Variants in SLC38A2 observed in about 807,000 individuals in gnomAD.
The protein encoded by SLC38A2 is solute carrier family 38 member 2, also known as sodium-coupled neutral amino acid symporter 2.
SLC38A2 carries 11 observed loss-of-function variants against 61.5 expected under a neutral mutation model. The ratio of observed to expected loss-of-function variants is 0.18; its 90% CI spans 0.11 to 0.30. The LOEUF (loss-of-function observed/expected upper bound fraction) is 0.30, where lower values mean the gene tolerates loss of function less well. SLC38A2 is among the 10% of genes least tolerant of loss of function. SLC38A2 has a pLI of 1.00. For synonymous variants in SLC38A2, 217 were observed against 212.5 expected, an observed-to-expected ratio of 1.02 and a Z score of -0.18; for missense variants, 522 against 600.4, an observed-to-expected ratio of 0.87 and a Z score of 1.36.
intron 9 of SLC38A2, 31 bp from the exon 10 acceptor site, chr12:46,364,587 C>A: frequency 6.3e-7 from 1 of 1,599,946 alleles, no homozygotes; most frequent in Non-Finnish European, 8.5e-7. Context: ...ATGTGTTAAA[C>A]TAAGTGACAT....
chr12:46,367,243 GA>G, intron 5 of SLC38A2, 23 bp downstream of exon 5: 2 of 1,585,132 alleles, frequency 1.3e-6, no homozygotes, highest in South Asian at 2.2e-5. Context: ...CATTGTTTTA[GA>G]AAAATCAAGA....
At chr12:46,369,356 G>T (rs996134071) in intron 4 of SLC38A2, among the ~76,000 whole-genome samples, 1 of 152,194 alleles carries the variant, frequency 6.6e-6, no homozygotes, top group African/African-American at 2.4e-5. Context: ...AAGCCAGAGT[G>T]AATCCTAGCA....
intron 1 of SLC38A2, among the ~76,000 whole-genome samples, chr12:46,372,133 A>G (rs1943210300): frequency 6.6e-6 from 1 of 152,034 alleles, no homozygotes; most frequent in African/African-American, 2.4e-5. Flanking sequence ...TACATGCCCA[A>G]GCCCACCTCC....
chr12:46,367,526 A>C (rs1943151585), intron 4 of SLC38A2, 186 bp from the exon 5 acceptor site: 2 of 600,172 alleles, frequency 3.3e-6, no homozygotes, highest in African/African-American at 3.8e-5. Context: ...CTGGCAGTAA[A>C]AACTTGCATC....
intron 4 of SLC38A2, among the ~76,000 whole-genome samples, chr12:46,368,861 G>C (rs1437064492): frequency 6.6e-6 from 1 of 152,138 alleles, no homozygotes; most frequent in Admixed American, 6.5e-5. Context: ...AACCTTTGAG[G>C]TCACTTTCAA....
chr12:46,371,386 A>C lies in SLC38A2; in HGVS notation c.-86-7T>G, dbSNP rs1388898523. ...CAGCGGCCCGCGAGTCGGCCTGCGA[A>C]AGTAGAGGCGGCGCGTCAGGACCGC... On this transcript the variant is annotated splice_polypyrimidine_tract_variant and splice_region_variant and intron_variant, in intron 1 of 15. Transcript: ENST00000256689. 1 of 1,006,492 alleles carries C rather than the reference A, an allele frequency of 9.9e-7. No individual in the cohort carries two copies. The highest frequency in any genetic ancestry group is 1.6e-5 in the African/African-American group (1 of 61,324). 62.3% of individuals were successfully genotyped at this position (1,006,492 alleles called of 1,614,324 possible). A position where few individuals can be genotyped will look rare whatever the true frequency, so the allele number is the denominator to read the frequency against.
In SLC38A2 at chr12:46,367,111, G is replaced by T; in HGVS notation, c.446C>A (p.Ala149Glu). 6.2e-7 allele frequency: 1 copy of T among 1,614,052 alleles called. No individual in the cohort carries two copies. Among genetic ancestry groups the T allele is most frequent in the Non-Finnish European group, 8.5e-7 (1 of 1,179,986 alleles). The change falls in exon 6 of 16, where the codon GCA becomes GAA. Residue 149 changes from alanine to glutamate, a missense_variant. Ala to Glu is a moderately radical substitution (Grantham distance 107, BLOSUM62 -1). Around this residue, in one of 3 missense-constraint regions of SLC38A2, gnomAD observed 111 missense variants for 173.4 expected, o/e 0.64. Transcript: ENST00000256689. ...YKAFGLVGKLAASGSITMQNI... is the reference protein window; with the variant it reads ...YKAFGLVGKLEASGSITMQNI... ...CTGCATTGTAATTGATCCAGATGCT[G>T]CAAGCTTTCCAACTAATCCAAATGC...
At position 46,364,425 on chromosome 12, in the gene SLC38A2, GTCA is replaced by G. The variant is rs750509713; in HGVS notation, c.834_836del (p.Asp279del). The G allele has an allele frequency of 1.2e-5, 19 of 1,601,696 alleles. No individual in the cohort carries two copies. Among genetic ancestry groups the G allele is most frequent in the Non-Finnish European group, 7.7e-6 (9 of 1,176,458 alleles). On this transcript the variant is annotated inframe_deletion, in exon 10 of 16. Coordinates refer to ENST00000256689, the MANE Select transcript of SLC38A2 (RefSeq NM_018976.5). Reference sequence around the variant, plus strand: ...AAATAAAATAGTGAGGTCTGCAAGAGTCATTTTCAGTCACGTTATGTGACAAAG... The same window carrying G: ...AAATAAAATAGTGAGGTCTGCAAGAGTTTTCAGTCACGTTATGTGACAAAG...
At chr12:46,371,610 T>G (rs373561049) in intron 1 of SLC38A2, 1 of 325,978 alleles carries the variant, frequency 3.1e-6, no homozygotes, top group East Asian at 8.2e-5. Context: ...GGCCCCCTAC[T>G]CCGGCAGATT....
chr12:46,371,876 C>T (rs78433948), intron 1 of SLC38A2, among the ~76,000 whole-genome samples: 2,452 of 151,000 alleles, frequency 0.016, 38 homozygotes, highest in Non-Finnish European at 0.022. Flanking sequence ...GACAGCCTTC[C>T]CCAGGAGGCG....
intron 5 of SLC38A2, 39 bp downstream of exon 5, chr12:46,367,228 G>A (rs150283863): frequency 1.9e-6 from 3 of 1,571,914 alleles, no homozygotes; most frequent in Admixed American, 3.3e-5. Flanking sequence ...AAAATGATAG[G>A]TATACATTGT....
At chr12:46,369,852 T>G (rs1333862282) in intron 4 of SLC38A2, among the ~76,000 whole-genome samples, 3 of 152,138 alleles carry the variant, frequency 2.0e-5, no homozygotes, top group Admixed American at 1.3e-4. Context: ...AGTAATTAAG[T>G]CTAACTGTGC....
rs148205152 is a variant in SLC38A2 at position 46,361,182 on chromosome 12, G to A, written c.1450C>T (p.Leu484=). 3 of 1,613,480 alleles carry A rather than the reference G, an allele frequency of 1.9e-6. No homozygotes were observed. The African/African-American group carries it at 4.0e-5, about 22-fold the overall frequency. The change falls in exon 16 of 16, where the codon CTG becomes TTG. Residue 484 remains leucine (L), a synonymous_variant. Coordinates refer to ENST00000256689, the MANE Select transcript of SLC38A2 (RefSeq NM_018976.5). Reference sequence around the variant, plus strand: ...AAGGCCATGCTTCCGGTCATCACCAGTACACCACTTAACAGGAAGAACAAA... The same window carrying A: ...AAGGCCATGCTTCCGGTCATCACCAATACACCACTTAACAGGAAGAACAAA... The part of the protein sequence containing the change: ...GALFFLLSGV[L]VMTGSMALIV...
chr12:46,364,654 A>G lies in SLC38A2; in HGVS notation c.695T>C (p.Phe232Ser). The change falls in exon 9 of 16, where the codon TTT (phenylalanine) becomes TCT (serine). Residue 232 changes from phenylalanine to serine, a missense_variant. By Grantham distance (155) the Phe-to-Ser change is radical. Around this residue, in one of 3 missense-constraint regions of SLC38A2, gnomAD observed 309 missense variants for 343.9 expected, o/e 0.90. Coordinates refer to ENST00000256689, the MANE Select transcript of SLC38A2 (RefSeq NM_018976.5). Reference protein sequence around the residue: ...SGLSLLCMVFFLIVVICKKFQ... With the variant: ...SGLSLLCMVFSLIVVICKKFQ... ...AAAAATCATACCCACCACAATCAGA[A>G]AGAACACCATACACAACAAGGAAAG... 6.2e-7 allele frequency: 1 copy of G among 1,609,312 alleles called. No homozygotes were observed. The highest frequency in any genetic ancestry group is 1.1e-5 in the South Asian group (1 of 89,330).
In SLC38A2 at chr12:46,372,559, C is replaced by A; in HGVS notation, c.-137G>T. 1 of 396,304 alleles carries A rather than the reference C, an allele frequency of 2.5e-6. No individual in the cohort carries two copies. The highest frequency in any genetic ancestry group is 1.3e-4 in the South Asian group (1 of 7,526). 24.5% of individuals were successfully genotyped at this position (396,304 alleles called of 1,614,324 possible). On this transcript the variant is annotated 5_prime_UTR_variant, in exon 1 of 16. An upstream open reading frame in the 5' UTR loses its in-frame stop. Coordinates refer to ENST00000256689, the MANE Select transcript of SLC38A2 (RefSeq NM_018976.5). ...ACGTCTTCAGTGGGTTTCTCTCAGTCAAATACAAATCATAAAAAACAAACA... is the reference window on the plus strand; with the variant it reads ...ACGTCTTCAGTGGGTTTCTCTCAGTAAAATACAAATCATAAAAAACAAACA...
At chr12:46,365,343 A>C (rs1487601829) in intron 7 of SLC38A2, 154 bp from the exon 8 acceptor site, 3 of 666,098 alleles carry the variant, frequency 4.5e-6, no homozygotes, top group Non-Finnish European at 8.0e-6. Flanking sequence ...AGATAGGAAT[A>C]ACTTTTTAAT....
chr12:46,366,992 G>GT, intron 6 of SLC38A2, 47 bp from the exon 7 acceptor site: 5 of 1,605,650 alleles, frequency 3.1e-6, no homozygotes, highest in Non-Finnish European at 4.3e-6. Context: ...AACGCGGCAC[G>GT]TGACACTAAA....
At chr12:46,371,048 A>G in intron 2 of SLC38A2, 130 bp downstream of exon 2, 1 of 887,794 alleles carries the variant, frequency 1.1e-6, no homozygotes, top group Non-Finnish European at 1.8e-6. Context: ...ATAATCGGAT[A>G]CTCTTTCAGA....
In SLC38A2 at chr12:46,371,376, C is replaced by A. The variant is rs1457235043; in HGVS notation, c.-83G>T. 4 of 1,142,918 alleles carry A rather than the reference C, an allele frequency of 3.5e-6. No homozygotes were observed. Among genetic ancestry groups the A allele is most frequent in the South Asian group, 1.3e-5 (1 of 77,924 alleles). The allele number at this position is 1,142,918 out of a possible 1,614,324, so 70.8% of individuals were successfully genotyped here. ...GCGGTGGGTGCAGCGGCCCGCGAGT[C>A]GGCCTGCGAAAGTAGAGGCGGCGCG... On this transcript the variant is annotated 5_prime_UTR_variant, in exon 2 of 16. Coordinates refer to ENST00000256689, the MANE Select transcript of SLC38A2 (RefSeq NM_018976.5).
Sources: allele counts gnomAD v4.1 joint callset (sites outside exome capture counted in the v4.1 genomes callset), GRCh38; gene constraint gnomAD v4.1.1; regional missense constraint gnomAD v4.1.1; transcripts MANE v1.5; gene names NCBI Gene and HGNC (gene_info 2026-07-23, HGNC 2026-07-21).